Variants in PLEKHG1 observed in about 807,000 individuals in gnomAD.
PLEKHG1 encodes pleckstrin homology and RhoGEF domain containing G1, also known as pleckstrin homology domain-containing family G member 1.
PLEKHG1 carries 44 observed loss-of-function variants against 100.8 expected under a neutral mutation model. That is an observed-to-expected ratio of 0.44 (90% CI 0.34 to 0.56). The LOEUF is 0.56. Ranked by LOEUF, PLEKHG1 falls within the 20% of genes least tolerant of loss-of-function variation. The pLI is 0.01. For missense variants in PLEKHG1, 1,545 were observed against 1,720.9 expected, an observed-to-expected ratio of 0.90 and a Z score of 1.81; for synonymous variants, 640 against 662.5, an observed-to-expected ratio of 0.97 and a Z score of 0.52.
intron 1 of PLEKHG1, among the ~76,000 whole-genome samples, chr6:150,728,417 G>T (rs1363551102): frequency 1.3e-5 from 2 of 151,068 alleles, no homozygotes; most frequent in Non-Finnish European, 3.0e-5. Context: ...AACATAGAAA[G>T]ACTTCATCTC....
exon 6 of PLEKHG1, chr6:150,800,774 A>G (rs1457677731): frequency 6.2e-7 from 1 of 1,613,726 alleles, no homozygotes; most frequent in Admixed American, 1.7e-5. Flanking sequence ...CAAATTCTTC[A>G]GGGAGCGTCA....
chr6:150,642,110 G>A (rs902265492), intron 2 of PLEKHG1, among the ~76,000 whole-genome samples: 12 of 151,908 alleles, frequency 7.9e-5, no homozygotes, highest in African/African-American at 2.7e-4. Context: ...TAAATAAGTG[G>A]CACAAGAAAC....
intron 3 of PLEKHG1, among the ~76,000 whole-genome samples, chr6:150,770,139 T>C (rs772091822): frequency 1.1e-4 from 16 of 152,246 alleles, no homozygotes; most frequent in Non-Finnish European, 1.5e-4. Flanking sequence ...TACGATGCTC[T>C]TGATTTTGCG....
At chr6:150,768,395 T>A (rs540153937) in intron 2 of PLEKHG1, among the ~76,000 whole-genome samples, 1 of 152,346 alleles carries the variant, frequency 6.6e-6, no homozygotes, top group African/African-American at 2.4e-5. Context: ...CTGGGGAAGC[T>A]CTAATATATT....
At chr6:150,605,575 G>C (rs560108415) in intron 1 of PLEKHG1, 1 of 152,336 alleles carries the variant, frequency 6.6e-6, no homozygotes, top group East Asian at 1.9e-4. Flanking sequence ...CAATACAAGA[G>C]AGACAGTTTC....
chr6:150,762,215 A>C (rs1269475734), intron 2 of PLEKHG1, among the ~76,000 whole-genome samples: 1 of 126,448 alleles, frequency 7.9e-6, no homozygotes, highest in Non-Finnish European at 1.6e-5. Flanking sequence ...TTTTTTTTTG[A>C]GTCTCACTCT....
intron 3 of PLEKHG1, among the ~76,000 whole-genome samples, chr6:150,699,785 C>T (rs1294252130): frequency 6.6e-6 from 1 of 152,176 alleles, no homozygotes; most frequent in African/African-American, 2.4e-5. Context: ...TTAATGAAGG[C>T]CATGGATCCT....
At chr6:150,798,777 G>C (rs896546283) in intron 5 of PLEKHG1, among the ~76,000 whole-genome samples, 2 of 152,206 alleles carry the variant, frequency 1.3e-5, no homozygotes, top group African/African-American at 4.8e-5. Context: ...GTCTCGCTCT[G>C]TTGCCCAGGT....
intron 1 of PLEKHG1, among the ~76,000 whole-genome samples, chr6:150,728,437 T>G (rs1210805261): frequency 6.6e-6 from 1 of 150,642 alleles, no homozygotes; most frequent in Non-Finnish European, 1.5e-5. Flanking sequence ...CTAGAAAAAT[T>G]AAAAATAAAA....
At position 150,683,453 on chromosome 6, in the gene PLEKHG1, C is replaced by T. The variant is rs1449763902; in HGVS notation, c.-99+32667C>T. Among the ~76,000 whole-genome samples, 1 of 151,892 alleles carries T rather than the reference C, an allele frequency of 6.6e-6. No homozygotes were observed. Among genetic ancestry groups the T allele is most frequent in the Non-Finnish European group, 1.5e-5 (1 of 67,988 alleles). ...TGTTGAGCTGCTTCCCTTTGCATCT[C>T]GGGGGAAGGTGTGGTTCACCCGCAG... On this transcript the variant is annotated intron_variant, in intron 3 of 3. Transcript: ENST00000367326. The surrounding 1 kb of genome is among the most constrained non-coding windows in gnomAD (Gnocchi z 4.0).
intron 3 of PLEKHG1, among the ~76,000 whole-genome samples, chr6:150,699,838 T>C (rs1780694011): frequency 6.6e-6 from 1 of 152,206 alleles, no homozygotes; most frequent in Non-Finnish European, 1.5e-5. Context: ...AATTACAATG[T>C]CAACAAAAGA....
rs1419398248 is a variant in PLEKHG1 at position 150,830,763 on chromosome 6, A to C, written c.1652A>C (p.Glu551Ala). 3.1e-6 allele frequency: 5 copies of C among 1,614,050 alleles called. No individual in the cohort carries two copies. The South Asian group carries it at 5.5e-5, about 18-fold the overall frequency. Residue 551 changes from glutamate to alanine, a missense_variant, in exon 15 of 16, where the codon GAG becomes GCG. Physicochemically the swap from Glu to Ala is moderately radical, Grantham distance 107. Coordinates refer to ENST00000358517, the Ensembl canonical transcript of PLEKHG1. ...TTTCCCAGCCGACGGTCCCCGCAGGAGAATGAGGATGATGAAGATGATTAT... is the reference window on the plus strand; with the variant it reads ...TTTCCCAGCCGACGGTCCCCGCAGGCGAATGAGGATGATGAAGATGATTAT...
chr6:150,631,261 C>G (rs959932601), intron 1 of PLEKHG1, among the ~76,000 whole-genome samples: 2 of 152,200 alleles, frequency 1.3e-5, no homozygotes. Context: ...CTGTCTCTCT[C>G]TCTCTCAATC....
At chr6:150,818,105 G>C (rs1583190904) in intron 10 of PLEKHG1, 78 bp from the exon 12 acceptor site, 1 of 1,044,378 alleles carries the variant, frequency 9.6e-7, no homozygotes, top group Non-Finnish European at 1.5e-6. Flanking sequence ...ATTCAGGTGG[G>C]ATAAGATCTG....
At chr6:150,840,079 T>G (rs766086954) in exon 16 of PLEKHG1, 2 of 1,614,146 alleles carry the variant, frequency 1.2e-6, no homozygotes, top group Non-Finnish European at 1.7e-6. Flanking sequence ...ACGTTTGAGA[T>G]CAATACAAAA....
In PLEKHG1 at chr6:150,759,290, A is replaced by G. The variant is rs140306607; in HGVS notation, c.412-9348A>G. ...TGAAGGCAGTGGGTACCGCATGTGAATGGGACTGATCCTAATTCAGATATA... is the reference window on the plus strand; with the variant it reads ...TGAAGGCAGTGGGTACCGCATGTGAGTGGGACTGATCCTAATTCAGATATA... On this transcript the variant is annotated intron_variant, in intron 2 of 15. Transcript: ENST00000358517. Among the ~76,000 whole-genome samples the G allele has an allele frequency of 7.4e-3, 1,128 of 152,270 alleles. 5 individuals carry two copies. Among genetic ancestry groups the G allele is most frequent in the Non-Finnish European group, 0.011 (740 of 68,024 alleles).
chr6:150,658,354 C>CGAGTATT (rs1779050760), intron 3 of PLEKHG1, among the ~76,000 whole-genome samples: 2 of 152,128 alleles, frequency 1.3e-5, no homozygotes. Context: ...TGTATTAAGG[C>CGAGTATT]GAGTATTTTC....
intron 2 of PLEKHG1, among the ~76,000 whole-genome samples, chr6:150,749,553 T>G (rs1332757811): frequency 6.6e-6 from 1 of 152,180 alleles, no homozygotes; most frequent in Non-Finnish European, 1.5e-5. Flanking sequence ...CCCGCTATCC[T>G]GTAAGACCAC....
chr6:150,602,856 C>CT (rs1290691950), intron 1 of PLEKHG1, among the ~76,000 whole-genome samples: 1 of 152,006 alleles, frequency 6.6e-6, no homozygotes, highest in East Asian at 1.9e-4. Context: ...ATGGTTCAGT[C>CT]TTTAAGAAAA....
Sources: allele counts gnomAD v4.1 joint callset (sites outside exome capture counted in the v4.1 genomes callset), GRCh38; gene constraint gnomAD v4.1.1; non-coding constraint Gnocchi (gnomAD v3.1); transcripts MANE v1.5; gene names NCBI Gene and HGNC (gene_info 2026-07-23, HGNC 2026-07-21).